The following PIK3C2G variants were observed in gnomAD, a reference collection of about 807,000 sequenced individuals.
PIK3C2G encodes phosphatidylinositol 3-kinase C2 domain-containing subunit gamma.
Under a neutral mutation model 181.1 loss-of-function variants are expected in PIK3C2G, and 168 were observed. The ratio of observed to expected loss-of-function variants is 0.93; its 90% CI spans 0.82 to 1.05. The LOEUF (loss-of-function observed/expected upper bound fraction) is 1.05. PIK3C2G is among the 50% of genes least tolerant of loss of function. The probability of loss-of-function intolerance (pLI) is 0.00; values close to 1 mark genes in which losing one functional copy is unlikely to be tolerated. For synonymous variants in PIK3C2G, 573 were observed against 592.2 expected, an observed-to-expected ratio of 0.97 and a Z score of 0.47; for missense variants, 1,869 against 1,732.8, an observed-to-expected ratio of 1.08 and a Z score of -1.40.
intron 18 of PIK3C2G, among the ~76,000 whole-genome samples, chr12:18,435,998 T>G (rs1946426043): frequency 6.6e-6 from 1 of 152,092 alleles, no homozygotes; most frequent in Admixed American, 6.6e-5. Context: ...TTCAACTGGT[T>G]TACAATTATA....
chr12:18,655,697 C>A, the PIK3C2G span, among the ~76,000 whole-genome samples: 2 of 151,508 alleles, frequency 1.3e-5, no homozygotes, highest in African/African-American at 4.9e-5. Flanking sequence ...ATGAAAGTGG[C>A]ACTTTACCTC....
chr12:18,525,156 C>T (rs1943151471), intron 24 of PIK3C2G, among the ~76,000 whole-genome samples: 2 of 151,614 alleles, frequency 1.3e-5, no homozygotes, highest in Admixed American at 6.6e-5. Flanking sequence ...TTTGGGAGGC[C>T]AAGGCAGGTG....
chr12:18,723,089 A>C, the PIK3C2G span, among the ~76,000 whole-genome samples: 9 of 152,170 alleles, frequency 5.9e-5, no homozygotes, highest in South Asian at 8.3e-4. Context: ...AAAAGAAAGG[A>C]GCTGAACAAT....
chr12:18,347,458 ATT>A (rs1939778029), intron 11 of PIK3C2G, among the ~76,000 whole-genome samples: 1 of 152,186 alleles, frequency 6.6e-6, no homozygotes, highest in Admixed American at 6.5e-5. Context: ...TAATGGATTT[ATT>A]ATACTTACTG....
intron 1 of PIK3C2G, among the ~76,000 whole-genome samples, chr12:18,271,575 C>A (rs1453234353): frequency 6.6e-6 from 1 of 152,068 alleles, no homozygotes; most frequent in Non-Finnish European, 1.5e-5. Flanking sequence ...CTTACCAGGG[C>A]CACAAGTGGA....
At chr12:18,505,939 G>T (rs1046237063) in intron 24 of PIK3C2G, among the ~76,000 whole-genome samples, 44 of 152,280 alleles carry the variant, frequency 2.9e-4, no homozygotes, top group Admixed American at 5.2e-4. Context: ...AAACAAGACA[G>T]ACACAAACCC....
chr12:18,412,254 C>T (rs1944905915), intron 16 of PIK3C2G, among the ~76,000 whole-genome samples: 1 of 152,150 alleles, frequency 6.6e-6, no homozygotes, highest in Non-Finnish European at 1.5e-5. Flanking sequence ...CTTATGGCCA[C>T]ATAACAATGA....
intron 1 of PIK3C2G, among the ~76,000 whole-genome samples, chr12:18,281,746 C>A (rs901575009): frequency 1.3e-5 from 2 of 152,036 alleles, no homozygotes; most frequent in African/African-American, 4.8e-5. Context: ...TGAATAGACT[C>A]ATGAAACTTT....
At chr12:18,462,401 G>A (rs532527230) in intron 18 of PIK3C2G, among the ~76,000 whole-genome samples, 1 of 152,188 alleles carries the variant, frequency 6.6e-6, no homozygotes, top group South Asian at 2.1e-4. Context: ...AAAAAAAAAT[G>A]TGGTTTTCCC....
At chr12:18,448,181 T>C (rs1024086986) in intron 18 of PIK3C2G, among the ~76,000 whole-genome samples, 1 of 152,176 alleles carries the variant, frequency 6.6e-6, no homozygotes, top group African/African-American at 2.4e-5. Flanking sequence ...TTTTGAATAG[T>C]ATTTCCTCTC....
chr12:18,543,409 C>T lies in PIK3C2G; in HGVS notation c.3481-2914C>T, dbSNP rs142302073. ...CTTAAGTTTAATTAGATCCCACCTG[C>T]CAATTTTTGCTCTCATTGCGATTGC... On this transcript the variant is annotated intron_variant, in intron 25 of 32. Transcript: ENST00000538779. Among the ~76,000 whole-genome samples, 580 of 151,872 alleles carry T rather than the reference C, an allele frequency of 3.8e-3. 1 individual carries two copies. Among genetic ancestry groups the T allele is most frequent in the Middle Eastern group, 0.01 (3 of 292 alleles).
chr12:18,626,914 T>A (rs1949125999), intron 31 of PIK3C2G, among the ~76,000 whole-genome samples: 1 of 152,038 alleles, frequency 6.6e-6, no homozygotes, highest in African/African-American at 2.4e-5. Context: ...GGATGTTAGC[T>A]TTTTTGGTCA....
chr12:18,406,278 C>T (rs1022663139), intron 16 of PIK3C2G, among the ~76,000 whole-genome samples: 4 of 152,124 alleles, frequency 2.6e-5, no homozygotes, highest in Admixed American at 2.6e-4. Flanking sequence ...TCCATTCATC[C>T]TTTAATGGAC....
chr12:18,438,108 C>T (rs949547248), intron 18 of PIK3C2G, among the ~76,000 whole-genome samples: 1 of 151,776 alleles, frequency 6.6e-6, no homozygotes, highest in Non-Finnish European at 1.5e-5. Context: ...TTTTCCAACC[C>T]TTTTGTCTCA....
chr12:18,665,193 G>C, the PIK3C2G span, among the ~76,000 whole-genome samples: 1 of 151,374 alleles, frequency 6.6e-6, no homozygotes, highest in Non-Finnish European at 1.5e-5. Context: ...AAAAAAATAA[G>C]AACAAAGAAT....
intron 1 of PIK3C2G, among the ~76,000 whole-genome samples, chr12:18,252,336 C>T (rs1948103259): frequency 6.6e-6 from 1 of 152,094 alleles, no homozygotes; most frequent in East Asian, 1.9e-4. Context: ...TTACTCTTCA[C>T]CCAAGACCGC....
intron 15 of PIK3C2G, among the ~76,000 whole-genome samples, chr12:18,398,563 G>A (rs906899556): frequency 2.6e-5 from 4 of 152,132 alleles, no homozygotes; most frequent in Admixed American, 1.3e-4. Flanking sequence ...AGGAGAGTGC[G>A]CAAAAGCCAT....
At chr12:18,516,741 A>G (rs765669452) in intron 24 of PIK3C2G, among the ~76,000 whole-genome samples, 1 of 151,870 alleles carries the variant, frequency 6.6e-6, no homozygotes, top group Non-Finnish European at 1.5e-5. Flanking sequence ...ACAAGTCTAA[A>G]TGGGGTTTTC....
Position 18,502,556 on chromosome 12 carries a change from A to C in PIK3C2G, c.3017-725A>C, listed in dbSNP as rs1321163534. On this transcript the variant is annotated intron_variant, in intron 22 of 32. Coordinates refer to ENST00000538779, the MANE Select transcript of PIK3C2G (RefSeq NM_001288772.2). ...GAGAGAGCTTTAAGTACTGGATCTA[A>C]ATTGCTGTTCTGTACAGTATGAAAA... Among the ~76,000 whole-genome samples, 10 of 152,178 alleles carry C rather than the reference A, an allele frequency of 6.6e-5. No individual in the cohort carries two copies. The East Asian group carries it at 1.9e-3, about 29-fold the overall frequency.
Sources: gnomAD v4.1 joint callset for allele counts (sites outside exome capture counted in the v4.1 genomes callset) on GRCh38, gnomAD v4.1.1 for gene constraint, MANE v1.5 for transcripts, NCBI Gene and HGNC (gene_info 2026-07-23, HGNC 2026-07-21) for gene names.